Variants in TRPM3 observed in about 807,000 individuals in gnomAD.
The protein encoded by TRPM3 is transient receptor potential cation channel subfamily M member 3.
A neutral mutation model predicts 181.2 loss-of-function variants in TRPM3; 77 were observed. The ratio of observed to expected loss-of-function variants is 0.42; its 90% CI spans 0.35 to 0.51. The LOEUF is 0.51. TRPM3 is among the 20% of genes least tolerant of loss of function. The pLI is 0.01. For missense variants in TRPM3, 1,759 were observed against 2,196.7 expected (o/e 0.80, Z 3.98); for synonymous variants, 745 against 796.4 (o/e 0.94, Z 1.09).
chr9:71,035,250 A>G (rs2058048806), intron 1 of TRPM3, among the ~76,000 whole-genome samples: 1 of 152,254 alleles, frequency 6.6e-6, no homozygotes, highest in Non-Finnish European at 1.5e-5. Context: ...AAAGAGAAAG[A>G]TGAAACTACC....
chr9:71,117,557 C>T (rs2072686597), intron 1 of TRPM3, among the ~76,000 whole-genome samples: 1 of 151,932 alleles, frequency 6.6e-6, no homozygotes, highest in Non-Finnish European at 1.5e-5. Flanking sequence ...AGTCAAGACC[C>T]AAACCCTTCA....
intron 1 of TRPM3, among the ~76,000 whole-genome samples, chr9:71,077,912 T>C (rs974630543): frequency 1.3e-5 from 2 of 151,530 alleles, no homozygotes; most frequent in African/African-American, 4.8e-5. Flanking sequence ...TTGTCTTTTT[T>C]TTTTTTTTTT....
At chr9:70,632,031 C>A (rs1354719427) in intron 12 of TRPM3, among the ~76,000 whole-genome samples, 6 of 152,160 alleles carry the variant, frequency 3.9e-5, no homozygotes, top group African/African-American at 1.4e-4. Flanking sequence ...GAGTTAATAA[C>A]TTATTCATTA....
chr9:71,094,238 T>C (rs1298893190), intron 1 of TRPM3, among the ~76,000 whole-genome samples: 1 of 151,830 alleles, frequency 6.6e-6, no homozygotes, highest in African/African-American at 2.4e-5. Flanking sequence ...TGTGCAGGCA[T>C]CCCAGAGCTT....
intron 1 of TRPM3, among the ~76,000 whole-genome samples, chr9:71,417,981 T>C (rs1195465789): frequency 6.6e-6 from 1 of 152,010 alleles, no homozygotes; most frequent in Non-Finnish European, 1.5e-5. Context: ...AAACCTTTCT[T>C]TGGTGAGAAG....
chr9:70,835,564 C>T (rs1375642391), intron 5 of TRPM3, among the ~76,000 whole-genome samples: 1 of 151,944 alleles, frequency 6.6e-6, no homozygotes, highest in African/African-American at 2.4e-5. Context: ...ACTCACTCTC[C>T]TCACACCTTT....
intron 22 of TRPM3, among the ~76,000 whole-genome samples, chr9:70,586,255 C>G (rs947839608): frequency 6.6e-5 from 10 of 152,156 alleles, no homozygotes; most frequent in African/African-American, 2.4e-4. Context: ...GCTCTGGTTC[C>G]CAGCTCACAG....
intron 1 of TRPM3, among the ~76,000 whole-genome samples, chr9:71,273,016 AG>A (rs1353089087): frequency 6.6e-6 from 1 of 152,004 alleles, no homozygotes; most frequent in East Asian, 1.9e-4. Flanking sequence ...CTGGGACTAC[AG>A]GTTCATGCAA....
chr9:71,139,780 CCTAA>C (rs1040610190), intron 1 of TRPM3, among the ~76,000 whole-genome samples: 9 of 152,136 alleles, frequency 5.9e-5, no homozygotes, highest in African/African-American at 2.2e-4. Flanking sequence ...TAGTTGGCTA[CCTAA>C]CTGACATTCT....
intron 1 of TRPM3, among the ~76,000 whole-genome samples, chr9:71,155,087 T>TC: frequency 6.6e-6 from 1 of 152,270 alleles, no homozygotes; most frequent in South Asian, 2.1e-4. Context: ...TATCAAATAG[T>TC]ATTAATTGTA....
At chr9:71,376,760 C>A (rs1464900209) in intron 1 of TRPM3, among the ~76,000 whole-genome samples, 1 of 151,962 alleles carries the variant, frequency 6.6e-6, no homozygotes, top group Non-Finnish European at 1.5e-5. Context: ...AGTTTAATAA[C>A]ATACTGAGAA....
chr9:70,896,776 T>C (rs929700635), intron 1 of TRPM3, among the ~76,000 whole-genome samples: 1 of 150,320 alleles, frequency 6.7e-6, no homozygotes, highest in Admixed American at 6.6e-5. Flanking sequence ...AAAAGATTAC[T>C]ACTAACAAAT....
At chr9:71,076,162 G>A (rs1405519027) in intron 1 of TRPM3, among the ~76,000 whole-genome samples, 1 of 152,184 alleles carries the variant, frequency 6.6e-6, no homozygotes, top group Non-Finnish European at 1.5e-5. Context: ...GCTCAGGAGA[G>A]CTAATTGTTC....
intron 1 of TRPM3, among the ~76,000 whole-genome samples, chr9:71,165,923 T>C (rs1448070897): frequency 1.3e-5 from 2 of 152,158 alleles, no homozygotes; most frequent in African/African-American, 4.8e-5. Flanking sequence ...AAGATAGAGT[T>C]GTCTGACAGC....
At chr9:70,960,160 C>G (rs1808314290) in intron 1 of TRPM3, among the ~76,000 whole-genome samples, 1 of 151,240 alleles carries the variant, frequency 6.6e-6, no homozygotes, top group Non-Finnish European at 1.5e-5. Context: ...GGAGACATAG[C>G]TACAGTTAAT....
At chr9:71,342,350 C>T (rs753920515) in intron 1 of TRPM3, among the ~76,000 whole-genome samples, 18 of 150,192 alleles carry the variant, frequency 1.2e-4, no homozygotes, top group Non-Finnish European at 2.7e-4. Flanking sequence ...TTTTGAAACA[C>T]ATTGCAAAAG....
At chr9:70,811,790 A>G (rs905236001) in intron 6 of TRPM3, among the ~76,000 whole-genome samples, 1 of 152,134 alleles carries the variant, frequency 6.6e-6, no homozygotes. Flanking sequence ...AGGCTAATCT[A>G]CCCAGTTTCT....
intron 1 of TRPM3, among the ~76,000 whole-genome samples, chr9:71,240,387 G>T (rs1212618194): frequency 6.6e-6 from 1 of 152,092 alleles, no homozygotes. Flanking sequence ...TTTATCCCTG[G>T]TGTTCCATTT....
intron 1 of TRPM3, among the ~76,000 whole-genome samples, chr9:71,299,720 A>G (rs1296260983): frequency 6.6e-6 from 1 of 152,126 alleles, no homozygotes; most frequent in Non-Finnish European, 1.5e-5. Context: ...TGGCAAACAA[A>G]CTTTGTATCT....
Sources: allele counts gnomAD v4.1 joint callset (sites outside exome capture counted in the v4.1 genomes callset), GRCh38; gene constraint gnomAD v4.1.1; transcripts MANE v1.5; gene names NCBI Gene and HGNC (gene_info 2026-07-23, HGNC 2026-07-21).